The following ARMC8 variants were observed in gnomAD, a reference collection of about 807,000 sequenced individuals.
ARMC8 encodes armadillo repeat-containing protein 8.
A neutral mutation model predicts 99.3 loss-of-function variants in ARMC8; 20 were observed. The ratio of observed to expected loss-of-function variants is 0.20; its 90% CI spans 0.14 to 0.29. ARMC8 has a LOEUF of 0.29. ARMC8 is among the 10% of genes least tolerant of loss of function. The pLI is 1.00. For synonymous variants in ARMC8, 263 were observed against 278.3 expected (o/e 0.95, Z 0.55); for missense variants, 569 against 809.5 (o/e 0.70, Z 3.60).
In ARMC8 at chr3:138,221,589, G is replaced by A. The variant is rs149093805; in HGVS notation, c.123-337G>A. Among the ~76,000 whole-genome samples, 328 of 152,114 alleles carry A rather than the reference G, an allele frequency of 2.2e-3. 3 individuals carry two copies. In the South Asian group the frequency reaches 0.022, roughly 10 times the overall value. On this transcript the variant is annotated intron_variant, in intron 2 of 21. Transcript: ENST00000469044. ...GTTTTTTCTGTTGTTGTTGTTGTTC[G>A]TTTAACTCACTCCCTACTCTTAGAG...
chr3:138,252,656 A>G (rs1018223883), intron 12 of ARMC8, among the ~76,000 whole-genome samples: 5 of 128,018 alleles, frequency 3.9e-5, no homozygotes, highest in African/African-American at 8.6e-5. Context: ...GGTTTTCACT[A>G]TGTTGGCCAG....
chr3:138,290,521 C>T (rs2050836327), intron 20 of ARMC8, 25 bp from the exon 21 acceptor site: 1 of 1,548,892 alleles, frequency 6.5e-7, no homozygotes, highest in Non-Finnish European at 8.8e-7. Context: ...GTCATGTTCC[C>T]AGTAACCTGG....
At chr3:138,230,289 A>G (rs1029513112) in intron 6 of ARMC8, among the ~76,000 whole-genome samples, 5 of 152,202 alleles carry the variant, frequency 3.3e-5, no homozygotes, top group Non-Finnish European at 7.3e-5. Context: ...TTTCCCAACA[A>G]CAAAATGACG....
At chr3:138,274,804 C>T (rs1415244665) in intron 18 of ARMC8, among the ~76,000 whole-genome samples, 1 of 152,190 alleles carries the variant, frequency 6.6e-6, no homozygotes, top group Non-Finnish European at 1.5e-5. Context: ...TCTACAGGAG[C>T]AGTCACCTTT....
chr3:138,253,014 A>C (rs1381467602), intron 12 of ARMC8, among the ~76,000 whole-genome samples: 1 of 151,758 alleles, frequency 6.6e-6, no homozygotes, highest in African/African-American at 2.4e-5. Context: ...TTAGATTAAA[A>C]CTATGGCTTT....
At chr3:138,292,549 C>A (rs1437282980) in intron 21 of ARMC8, among the ~76,000 whole-genome samples, 1 of 152,128 alleles carries the variant, frequency 6.6e-6, no homozygotes, top group African/African-American at 2.4e-5. Context: ...AGATTCAGTA[C>A]AGGATGTTAA....
At chr3:138,248,731 C>G (rs139824764) in intron 12 of ARMC8, among the ~76,000 whole-genome samples, 84 of 152,316 alleles carry the variant, frequency 5.5e-4, no homozygotes, top group Non-Finnish European at 1.1e-3. Context: ...TCCTCTCTTA[C>G]TCTTCAAGTA....
chr3:138,273,329 A>G (rs2048960230), intron 17 of ARMC8, among the ~76,000 whole-genome samples: 1 of 152,154 alleles, frequency 6.6e-6, no homozygotes, highest in African/African-American at 2.4e-5. Context: ...CTCCACTCCT[A>G]CACTGCTTAT....
At position 138,223,664 on chromosome 3, in the gene ARMC8, T is replaced by C. The variant is rs2045525727; in HGVS notation, c.366T>C (p.Ile122=). 2 of 1,614,110 alleles carry C rather than the reference T, an allele frequency of 1.2e-6. No individual in the cohort carries two copies. The highest frequency in any genetic ancestry group is 1.7e-6 in the Non-Finnish European group (2 of 1,180,042). Residue 122 remains isoleucine (I), a synonymous_variant, in exon 5 of 22, where the codon ATT becomes ATC. Coordinates refer to ENST00000469044, the MANE Select transcript of ARMC8 (RefSeq NM_001363941.2). Reference sequence around the variant, plus strand: ...TACTGTCCCCAGACCTGAAGTTTATTGAAGCTTGCCTCCGATGCCTGCGTA... The same window carrying C: ...TACTGTCCCCAGACCTGAAGTTTATCGAAGCTTGCCTCCGATGCCTGCGTA... ...QGLLSPDLKF[I]EACLRCLRTI...
Position 138,294,891 on chromosome 3 carries a change from T to A in ARMC8, c.1989-968T>A, listed in dbSNP as rs565555782. ...GGTTTGTTTTTTGGGTTTTTTTGTT[T>A]GTTTTTTGTTCTTTTTTTTTTTTTG... On this transcript the variant is annotated intron_variant, in intron 21 of 21. Coordinates refer to ENST00000469044, the MANE Select transcript of ARMC8 (RefSeq NM_001363941.2). 2.0e-5 allele frequency among the ~76,000 whole-genome samples: 3 copies of A among 151,530 alleles called. No individual in the cohort carries two copies. In the South Asian group the frequency reaches 6.2e-4, roughly 31 times the overall value.
intron 18 of ARMC8, among the ~76,000 whole-genome samples, chr3:138,280,092 T>C (rs1353517969): frequency 2.1e-4 from 32 of 151,930 alleles, no homozygotes; most frequent in Non-Finnish European, 2.6e-4. Context: ...TTAGTAGATA[T>C]GGGGTTTCAC....
intron 12 of ARMC8, among the ~76,000 whole-genome samples, chr3:138,253,495 A>G (rs1187750533): frequency 6.6e-6 from 1 of 152,224 alleles, no homozygotes; most frequent in Non-Finnish European, 1.5e-5. Context: ...GTTAAATACC[A>G]TTATAGATCC....
intron 2 of ARMC8, among the ~76,000 whole-genome samples, chr3:138,210,791 TG>T (rs1395343794): frequency 2.0e-5 from 3 of 152,174 alleles, no homozygotes; most frequent in South Asian, 2.1e-4. Flanking sequence ...TTCTTCGGAC[TG>T]CAGTTCTTAA....
chr3:138,295,981 C>T lies in ARMC8; in HGVS notation c.*89C>T. 6.9e-7 allele frequency: 1 copy of T among 1,439,328 alleles called. No homozygotes were observed. Among genetic ancestry groups the T allele is most frequent in the Non-Finnish European group, 9.6e-7 (1 of 1,042,238 alleles). The allele number at this position is 1,439,328 out of a possible 1,614,324, so 89.2% of individuals were successfully genotyped here. On this transcript the variant is annotated 3_prime_UTR_variant, in exon 22 of 22. Coordinates refer to ENST00000469044, the MANE Select transcript of ARMC8 (RefSeq NM_001363941.2). ...CCTCATTTGATTCCTTCTATTTGCA[C>T]AAGTCACCTTGGACTGCAGGGAGCT...
intron 5 of ARMC8, 98 bp downstream of exon 5, chr3:138,223,831 A>G: frequency 1.9e-6 from 2 of 1,067,380 alleles, no homozygotes; most frequent in Non-Finnish European, 2.8e-6. Flanking sequence ...TGTGTTATGT[A>G]AAAAAGTCTC....
chr3:138,203,718 T>C (rs1047648254), intron 1 of ARMC8, among the ~76,000 whole-genome samples: 6 of 152,234 alleles, frequency 3.9e-5, no homozygotes, highest in Non-Finnish European at 8.8e-5. Flanking sequence ...GTGGGGATCA[T>C]TGGGGCCTAT....
chr3:138,217,516 G>A (rs941333830), intron 2 of ARMC8, among the ~76,000 whole-genome samples: 1 of 151,284 alleles, frequency 6.6e-6, no homozygotes, highest in Admixed American at 6.6e-5. Context: ...GGTAGGCACT[G>A]TACATTTTAA....
intron 1 of ARMC8, among the ~76,000 whole-genome samples, chr3:138,207,992 T>C (rs2044469883): frequency 6.6e-6 from 1 of 152,130 alleles, no homozygotes; most frequent in African/African-American, 2.4e-5. Flanking sequence ...CTGGATGTAG[T>C]GGCACATACC....
At chr3:138,201,712 G>T (rs1478393634) in intron 1 of ARMC8, among the ~76,000 whole-genome samples, 2 of 151,974 alleles carry the variant, frequency 1.3e-5, no homozygotes, top group Non-Finnish European at 2.9e-5. Context: ...GCCCGCCTCG[G>T]TCTCCCAAAG....
Sources: allele counts gnomAD v4.1 joint callset (sites outside exome capture counted in the v4.1 genomes callset), GRCh38; gene constraint gnomAD v4.1.1; transcripts MANE v1.5; gene names NCBI Gene and HGNC (gene_info 2026-07-23, HGNC 2026-07-21).